Variants in PSMD12 observed in about 807,000 individuals in gnomAD.
PSMD12 encodes proteasome 26S subunit, non-ATPase 12, also known as 26S proteasome non-ATPase regulatory subunit 12.
In PSMD12, 8 loss-of-function variants were observed where a neutral mutation model predicts 62.9. That is an observed-to-expected ratio of 0.13 (90% confidence interval 0.07 to 0.23). The LOEUF is 0.23. PSMD12 is among the 10% of genes least tolerant of loss of function. The probability of loss-of-function intolerance (pLI) is 1.00; values close to 1 mark genes in which losing one functional copy is unlikely to be tolerated. For synonymous variants in PSMD12, 173 were observed against 187.4 expected (o/e 0.92, Z 0.63); for missense variants, 424 against 550.2 (o/e 0.77, Z 2.29).
chr17:67,358,493 T>C (rs963926143), intron 1 of PSMD12, among the ~76,000 whole-genome samples: 2 of 133,346 alleles, frequency 1.5e-5, no homozygotes, highest in African/African-American at 5.7e-5. Flanking sequence ...GCTTGAGCCA[T>C]GGAGGTGAAG....
intron 4 of PSMD12, among the ~76,000 whole-genome samples, chr17:67,349,137 A>G (rs1469135745): frequency 2.0e-5 from 3 of 152,156 alleles, no homozygotes. Flanking sequence ...TTCCCGCCTC[A>G]GCCTCCAGAG....
intron 1 of PSMD12, among the ~76,000 whole-genome samples, chr17:67,363,778 G>A (rs962997695): frequency 9.9e-5 from 15 of 152,106 alleles, no homozygotes; most frequent in African/African-American, 3.4e-4. Flanking sequence ...AGCTGGGCAC[G>A]GTGGCTCATG....
At chr17:67,357,651 T>C in intron 1 of PSMD12, 73 bp from the exon 2 acceptor site, 1 of 1,472,392 alleles carries the variant, frequency 6.8e-7, no homozygotes, top group Non-Finnish European at 9.5e-7. Context: ...ATGAAATGGT[T>C]TTGACACAGA....
chr17:67,352,604 A>C (rs904608765), intron 3 of PSMD12, among the ~76,000 whole-genome samples: 5 of 152,224 alleles, frequency 3.3e-5, no homozygotes, highest in African/African-American at 9.6e-5. Flanking sequence ...AAAAACAACA[A>C]CTACAGTAGT....
At chr17:67,341,787 C>T (rs2143680684) in intron 10 of PSMD12, among the ~76,000 whole-genome samples, 1 of 152,318 alleles carries the variant, frequency 6.6e-6, no homozygotes, top group East Asian at 1.9e-4. Context: ...TCTAAGGACT[C>T]TGGTACTCTC....
chr17:67,346,197 A>T (rs542258279), intron 7 of PSMD12, among the ~76,000 whole-genome samples: 1 of 152,268 alleles, frequency 6.6e-6, no homozygotes, highest in East Asian at 1.9e-4. Context: ...GATCGAGACC[A>T]TCCTGGCTAA....
At chr17:67,343,583 A>AC (rs1162443084) in intron 9 of PSMD12, among the ~76,000 whole-genome samples, 2 of 152,204 alleles carry the variant, frequency 1.3e-5, no homozygotes, top group African/African-American at 4.8e-5. Context: ...TAGAACTACC[A>AC]AAGTTTCCCA....
intron 9 of PSMD12, among the ~76,000 whole-genome samples, chr17:67,343,985 T>G (rs1428438291): frequency 3.3e-5 from 5 of 152,194 alleles, no homozygotes; most frequent in African/African-American, 1.2e-4. Context: ...ATCACAGGTG[T>G]GAGCCACCAC....
At chr17:67,351,392 A>AAATTAATAAT (rs368691026) in intron 3 of PSMD12, among the ~76,000 whole-genome samples, 3 of 140,140 alleles carry the variant, frequency 2.1e-5, no homozygotes, top group African/African-American at 8.0e-5. Context: ...ACTTGTCTCA[A>AAATTAATAAT]AATAATAATA....
chr17:67,356,002 A>ACACACG lies in PSMD12; in HGVS notation c.297+1300_297+1301insCGTGTG, dbSNP rs113037616. ...CACACACACACACACACACACACAC[A>ACACACG]CACACACGCACACACACACAAGATT... On this transcript the variant is annotated intron_variant, in intron 3 of 10. Coordinates refer to ENST00000356126, the MANE Select transcript of PSMD12 (RefSeq NM_002816.5). Among the ~76,000 whole-genome samples, 4 of 148,890 alleles carry ACACACG rather than the reference A, an allele frequency of 2.7e-5. 1 individual carries two copies. Among genetic ancestry groups the ACACACG allele is most frequent in the African/African-American group, 1.0e-4 (4 of 39,120 alleles).
intron 5 of PSMD12, 94 bp downstream of exon 5, chr17:67,348,456 A>T: frequency 9.8e-7 from 1 of 1,021,248 alleles, no homozygotes. Context: ...ATTGGTCCCA[A>T]ACATTTTGGA....
At chr17:67,355,552 A>G (rs1203361708) in intron 3 of PSMD12, 4 of 152,216 alleles carry the variant, frequency 2.6e-5, no homozygotes, top group Non-Finnish European at 5.9e-5. Flanking sequence ...CAGTAACACT[A>G]TATATCTATT....
chr17:67,345,934 A>G (rs765869384), intron 7 of PSMD12, 77 bp from the exon 8 acceptor site: 16 of 1,293,696 alleles, frequency 1.2e-5, no homozygotes, highest in Non-Finnish European at 1.8e-5. Flanking sequence ...CAATCATGGA[A>G]TAACTATATA....
At position 67,344,758 on chromosome 17, in the gene PSMD12, T is replaced by C; in HGVS notation, c.931A>G (p.Thr311Ala). Residue 311 changes from threonine (T) to alanine (A), a missense_variant, in exon 9 of 11, where the codon ACA (threonine) becomes GCA (alanine). Thr to Ala is a moderately conservative substitution (Grantham distance 58, BLOSUM62 0). Transcript: ENST00000356126. Reference protein sequence around the residue: ...KYKDLLKLFTTMELMRWSTLV... With the variant: ...KYKDLLKLFTAMELMRWSTLV... The stretch of plus-strand genomic sequence containing the variant: ...GTGGACCAACGCATCAACTCCATTG[T>C]GGTAAAAAGCTTTAAAAGATCCCTG... The C allele has an allele frequency of 6.3e-7, 1 of 1,594,234 alleles. No individual in the cohort carries two copies. Among genetic ancestry groups the C allele is most frequent in the Non-Finnish European group, 8.6e-7 (1 of 1,168,952 alleles).
At chr17:67,345,459 T>C (rs1312757843) in intron 8 of PSMD12, among the ~76,000 whole-genome samples, 1 of 151,992 alleles carries the variant, frequency 6.6e-6, no homozygotes, top group East Asian at 1.9e-4. Context: ...CTGGCCAACA[T>C]GGTGAAACCC....
chr17:67,344,541 A>G, intron 9 of PSMD12, 65 bp downstream of exon 9: 2 of 1,421,124 alleles, frequency 1.4e-6, no homozygotes, highest in Admixed American at 4.8e-5. Flanking sequence ...GCCAAAATTT[A>G]ATTCTAAAAA....
intron 3 of PSMD12, among the ~76,000 whole-genome samples, chr17:67,356,761 A>T (rs1418294219): frequency 6.6e-6 from 1 of 152,084 alleles, no homozygotes; most frequent in Non-Finnish European, 1.5e-5. Context: ...CTGTAATTCT[A>T]GCATTTTGAG....
chr17:67,347,968 C>T (rs4790979), intron 5 of PSMD12, among the ~76,000 whole-genome samples: 152,056 of 152,352 alleles, frequency 1, 75,891 homozygotes, highest in Middle Eastern at 1. Context: ...AGTTCATTTA[C>T]TTTTATTGCT....
chr17:67,353,991 C>T (rs766215194), intron 3 of PSMD12, among the ~76,000 whole-genome samples: 20 of 148,522 alleles, frequency 1.3e-4, no homozygotes, highest in Non-Finnish European at 2.4e-4. Context: ...TAAAGATGTG[C>T]TATGATTACT....
Sources: gnomAD v4.1 joint callset for allele counts (sites outside exome capture counted in the v4.1 genomes callset) on GRCh38, gnomAD v4.1.1 for gene constraint, MANE v1.5 for transcripts, NCBI Gene and HGNC (gene_info 2026-07-23, HGNC 2026-07-21) for gene names.